Variants in ELF1 observed in about 807,000 individuals in gnomAD.
The protein encoded by ELF1 is E74 like ETS transcription factor 1.
In ELF1, 24 loss-of-function variants were observed where a neutral mutation model predicts 59.9. The observed-to-expected ratio is 0.40, with a 90% confidence interval of 0.29 to 0.56. The LOEUF (loss-of-function observed/expected upper bound fraction) is 0.56. Among genes scored for constraint, ELF1 ranks in the 20% least tolerant of loss-of-function variants. ELF1 has a pLI of 0.44. For synonymous variants in ELF1, 248 were observed against 266.2 expected (o/e 0.93, Z 0.67); for missense variants, 627 against 742.2 (o/e 0.84, Z 1.80).
chr13:40,935,510 A>G (rs1869703140), intron 8 of ELF1, among the ~76,000 whole-genome samples: 1 of 152,154 alleles, frequency 6.6e-6, no homozygotes, highest in African/African-American at 2.4e-5. Flanking sequence ...ACACGTTCAA[A>G]AGAAGTGGGA....
chr13:41,049,288 C>T (rs186387376), intron 1 of ELF1, among the ~76,000 whole-genome samples: 40 of 152,298 alleles, frequency 2.6e-4, no homozygotes, highest in African/African-American at 9.4e-4. Flanking sequence ...CCTTTAAGTA[C>T]ACTTTACCAT....
At chr13:41,017,190 T>C (rs1875456871) in intron 1 of ELF1, among the ~76,000 whole-genome samples, 1 of 151,844 alleles carries the variant, frequency 6.6e-6, no homozygotes, top group Admixed American at 6.6e-5. Flanking sequence ...TCAAAATCAT[T>C]GGTTGATCCA....
chr13:41,016,958 A>G (rs1875436944), intron 1 of ELF1, among the ~76,000 whole-genome samples: 1 of 118,044 alleles, frequency 8.5e-6, no homozygotes, highest in Non-Finnish European at 1.7e-5. Flanking sequence ...ATATATATAT[A>G]TATATATATA....
At chr13:41,045,798 A>G (rs953927404) in intron 1 of ELF1, among the ~76,000 whole-genome samples, 7 of 152,292 alleles carry the variant, frequency 4.6e-5, no homozygotes, top group East Asian at 1.9e-4. Context: ...TATTAGGTCC[A>G]CTTGGTGCAG....
chr13:40,988,119 C>T (rs1300666417), intron 1 of ELF1, among the ~76,000 whole-genome samples: 1 of 152,182 alleles, frequency 6.6e-6, no homozygotes, highest in African/African-American at 2.4e-5. Context: ...GTAGAAGGCT[C>T]TATATTAGCT....
intron 1 of ELF1, among the ~76,000 whole-genome samples, chr13:41,024,448 T>A (rs1190872787): frequency 6.6e-6 from 1 of 152,174 alleles, no homozygotes; most frequent in Non-Finnish European, 1.5e-5. Flanking sequence ...CTCAGCCTCC[T>A]GAGTAGCTGG....
chr13:40,997,565 CTTTT>C (rs1053082223), intron 1 of ELF1, among the ~76,000 whole-genome samples: 19 of 150,116 alleles, frequency 1.3e-4, no homozygotes, highest in Non-Finnish European at 2.2e-4. Flanking sequence ...CATCTTTTTT[CTTTT>C]TTTTTAAGAG....
At chr13:40,952,761 C>A (rs533437434) in intron 3 of ELF1, among the ~76,000 whole-genome samples, 26 of 151,990 alleles carry the variant, frequency 1.7e-4, no homozygotes, top group Admixed American at 5.2e-4. Context: ...TATAATGAAT[C>A]CCCATGTGCC....
intron 1 of ELF1, among the ~76,000 whole-genome samples, chr13:41,045,038 A>C (rs1263620936): frequency 1.3e-5 from 2 of 152,050 alleles, no homozygotes; most frequent in African/African-American, 4.8e-5. Flanking sequence ...GGTATGTGTC[A>C]AGGAATTTAT....
intron 1 of ELF1, among the ~76,000 whole-genome samples, chr13:41,046,717 A>ATGTT (rs1253449784): frequency 1.3e-5 from 2 of 152,108 alleles, no homozygotes; most frequent in Non-Finnish European, 1.5e-5. Flanking sequence ...TGCCCTTAAC[A>ATGTT]GTTTTTCCTT....
chr13:40,999,537 G>A (rs1416727518), intron 1 of ELF1, among the ~76,000 whole-genome samples: 3 of 152,162 alleles, frequency 2.0e-5, no homozygotes, highest in Non-Finnish European at 4.4e-5. Context: ...GATTTGAGAA[G>A]AAGTAAAAAA....
In ELF1 at chr13:40,933,200, A is replaced by G. The variant is rs1869524662; in HGVS notation, c.*225T>C. On this transcript the variant is annotated 3_prime_UTR_variant, in exon 9 of 9. Coordinates refer to ENST00000239882, the MANE Select transcript of ELF1 (RefSeq NM_172373.4). ...ATAAAAATCTCAAAAGAATGTCTTC[A>G]TAGTGTAAAATGCCTGTTCCTTCAC... 1.9e-6 allele frequency: 1 copy of G among 516,716 alleles called. No individual in the cohort carries two copies. Among genetic ancestry groups the G allele is most frequent in the Admixed American group, 3.8e-5 (1 of 26,586 alleles). The allele number at this position is 516,716 out of a possible 1,614,324, so 32.0% of individuals were successfully genotyped here.
At chr13:40,981,906 A>T in intron 2 of ELF1, 77 bp downstream of exon 2, 1 of 1,487,424 alleles carries the variant, frequency 6.7e-7, no homozygotes. Context: ...ATTGTCTTTT[A>T]AAGGAAATAA....
rs529198421 is a variant in ELF1, at chr13:40,974,204, A to T, written c.72+7779T>A. ...ACATTGCAATAAAGCTGTTTTTTTTAAAAGGTACATATACAGGTATGCCAG... is the reference window on the plus strand; with the variant it reads ...ACATTGCAATAAAGCTGTTTTTTTTTAAAGGTACATATACAGGTATGCCAG... On this transcript the variant is annotated intron_variant, in intron 2 of 8. Transcript: ENST00000239882. Among the ~76,000 whole-genome samples, 1,176 of 152,218 alleles carry T rather than the reference A, an allele frequency of 7.7e-3. 21 individuals are homozygous for T. Among genetic ancestry groups the T allele is most frequent in the African/African-American group, 0.026 (1,092 of 41,524 alleles).
chr13:40,968,721 C>CTTTTTTTTTTTTTTTTTTT (rs35089615), intron 2 of ELF1, among the ~76,000 whole-genome samples: 4 of 137,376 alleles, frequency 2.9e-5, no homozygotes, highest in African/African-American at 1.1e-4. Context: ...TTTCTATATT[C>CTTTTTTTTTTTTTTTTTTT]TTTTTTTTTT....
chr13:41,041,046 T>C (rs1343163913), intron 1 of ELF1, among the ~76,000 whole-genome samples: 1 of 152,120 alleles, frequency 6.6e-6, no homozygotes, highest in South Asian at 2.1e-4. Flanking sequence ...ATATGAAACC[T>C]GAATGTTAAG....
chr13:40,956,078 A>G (rs1404032176), intron 3 of ELF1, among the ~76,000 whole-genome samples: 26 of 149,846 alleles, frequency 1.7e-4, no homozygotes, highest in East Asian at 7.8e-4. Context: ...GGTGTACTCA[A>G]CAGCTCATTG....
chr13:41,016,951 T>C (rs1263853627), intron 1 of ELF1, among the ~76,000 whole-genome samples: 5 of 49,290 alleles, frequency 1.0e-4, no homozygotes, highest in African/African-American at 2.7e-4. Context: ...AAAAAAAATA[T>C]ATATATATAT....
chr13:40,955,170 G>A (rs1464313428), intron 3 of ELF1, among the ~76,000 whole-genome samples: 17 of 150,010 alleles, frequency 1.1e-4, no homozygotes, highest in Admixed American at 2.6e-4. Context: ...CCCTCCGCCC[G>A]GCAGCCACAC....
Sources: allele counts gnomAD v4.1 joint callset (sites outside exome capture counted in the v4.1 genomes callset), GRCh38; gene constraint gnomAD v4.1.1; transcripts MANE v1.5; gene names NCBI Gene and HGNC (gene_info 2026-07-23, HGNC 2026-07-21).